Variants in CABP1 observed in about 807,000 individuals in gnomAD.
CABP1 encodes the protein calcium-binding protein 1.
CABP1 carries 17 observed loss-of-function variants against 34.3 expected under a neutral mutation model. The ratio of observed to expected loss-of-function variants is 0.50; its 90% CI spans 0.34 to 0.74. The LOEUF (loss-of-function observed/expected upper bound fraction) is 0.74, where lower values mean the gene tolerates loss of function less well. Ranked by LOEUF, CABP1 falls within the 30% of genes least tolerant of loss-of-function variation. The pLI, the probability that CABP1 is intolerant of heterozygous loss-of-function variation, is 0.01. For synonymous variants in CABP1, 198 were observed against 229.2 expected (o/e 0.86, Z 1.23); for missense variants, 373 against 511.1 (o/e 0.73, Z 2.61).
chr12:120,674,659 C>T, the CABP1 span, among the ~76,000 whole-genome samples: 3 of 152,170 alleles, frequency 2.0e-5, no homozygotes, highest in Non-Finnish European at 2.9e-5. Flanking sequence ...GAGGCCAAGG[C>T]GGGTGGATCA....
chr12:120,656,028 G>A, intron 1 of CABP1: 2 of 1,609,732 alleles, frequency 1.2e-6, no homozygotes, highest in Non-Finnish European at 1.7e-6. Flanking sequence ...CCGGGACCAG[G>A]AGCCAGGCTG....
chr12:120,669,234 G>A (rs927356768), downstream of CABP1, among the ~76,000 whole-genome samples: 5 of 152,234 alleles, frequency 3.3e-5, no homozygotes, highest in African/African-American at 7.2e-5. Flanking sequence ...TAATCCTCAC[G>A]TTCCCGAGGT....
At position 120,660,413 on chromosome 12, in the gene CABP1, G is replaced by T; in HGVS notation, c.829+74G>T. ...CGTCCTCTGCAGTCAGACAGGACTG[G>T]CTTCAAATTCTGCATCCACCTCTTA... is the stretch of plus-strand genomic sequence containing the variant. On this transcript the variant is annotated intron_variant, in intron 3 of 5. Coordinates refer to ENST00000316803, the MANE Select transcript of CABP1 (RefSeq NM_001033677.2). This position sits in a 1 kb window ranked among gnomAD's most constrained non-coding sequence, Gnocchi z 5.0. 6.7e-7 allele frequency: 1 copy of T among 1,497,112 alleles called. No homozygotes were observed. Among genetic ancestry groups the T allele is most frequent in the South Asian group, 1.2e-5 (1 of 81,220 alleles). 92.7% of individuals were successfully genotyped at this position (1,497,112 alleles called of 1,614,324 possible).
intron 5 of CABP1, among the ~76,000 whole-genome samples, chr12:120,665,869 A>G (rs923826999): frequency 3.3e-5 from 5 of 151,652 alleles, no homozygotes; most frequent in Admixed American, 2.0e-4. Flanking sequence ...AAATACAAAA[A>G]ATTAGCTGGA....
chr12:120,649,047 C>T (rs1413633564), intron 1 of CABP1, among the ~76,000 whole-genome samples: 1 of 151,946 alleles, frequency 6.6e-6, no homozygotes, highest in African/African-American at 2.4e-5. Flanking sequence ...TCAATACCCG[C>T]CCCCCAGGCT....
chr12:120,641,329 C>T lies in CABP1; in HGVS notation c.644C>T (p.Ala215Val). ...CGGCTGCGCCCCATGCTCAGCTCCG[C>T]CTTTGGCCAGGTAAGGGCCGCGCCT... The part of the protein sequence containing the change: ...LHRLRPMLSS[A>V]FGQDRSLRPE... The change falls in exon 1 of 6, where the codon GCC (alanine) becomes GTC (valine). Residue 215 changes from alanine (A) to valine (V), a missense_variant. By Grantham distance (64) the Ala-to-Val change is moderately conservative. Coordinates refer to ENST00000316803, the MANE Select transcript of CABP1 (RefSeq NM_001033677.2). The surrounding 1 kb of genome is among the most constrained non-coding windows in gnomAD (Gnocchi z 6.7). 7.6e-7 allele frequency: 1 copy of T among 1,316,214 alleles called. No individual in the cohort carries two copies. The highest frequency in any genetic ancestry group is 9.7e-7 in the Non-Finnish European group (1 of 1,033,976). The allele number at this position is 1,316,214 out of a possible 1,614,324, so 81.5% of individuals were successfully genotyped here.
At chr12:120,673,997 C>T in the CABP1 span, among the ~76,000 whole-genome samples, 1 of 152,238 alleles carries the variant, frequency 6.6e-6, no homozygotes, top group African/African-American at 2.4e-5. Flanking sequence ...GCCTGGGCAA[C>T]ACAGCAAGAC....
downstream of CABP1, among the ~76,000 whole-genome samples, chr12:120,668,490 T>A (rs556838145): frequency 4.2e-4 from 64 of 152,276 alleles, 1 homozygote; most frequent in South Asian, 0.013. Context: ...GCTGCCATCC[T>A]CTCTGCTGAG....
At chr12:120,676,723 G>A in the CABP1 span, among the ~76,000 whole-genome samples, 8 of 152,006 alleles carry the variant, frequency 5.3e-5, no homozygotes, top group Non-Finnish European at 1.2e-4. Flanking sequence ...CACCGCACCC[G>A]GTCAGCTTTA....
At position 120,667,112 on chromosome 12, in the gene CABP1, C is replaced by T; in HGVS notation, c.*212C>T. ...ACTGGAAAGCGGGGGCGCCCGCCGA[C>T]GAGGAGGCCACCGTGCCAAGCCGGC... On this transcript the variant is annotated 3_prime_UTR_variant, in exon 6 of 6. Coordinates refer to ENST00000316803, the MANE Select transcript of CABP1 (RefSeq NM_001033677.2). 1 of 607,214 alleles carries T rather than the reference C, an allele frequency of 1.6e-6. No homozygotes were observed. The highest frequency in any genetic ancestry group is 2.0e-5 in the South Asian group (1 of 50,000). The allele number at this position is 607,214 out of a possible 1,614,324, so 37.6% of individuals were successfully genotyped here.
In CABP1 at chr12:120,661,328, C is replaced by T. The variant is rs1880616193; in HGVS notation, c.1087+110C>T. The T allele has an allele frequency of 1.5e-6, 2 of 1,314,850 alleles. No homozygotes were observed. Among genetic ancestry groups the T allele is most frequent in the Non-Finnish European group, 2.1e-6 (2 of 967,582 alleles). The allele number at this position is 1,314,850 out of a possible 1,614,324, so 81.4% of individuals were successfully genotyped here. ...ATCAATCCGCCCTAATTTTCCAACCCCCAGCCCTTTCATCCTCTTATCCCT... is the reference window on the plus strand; with the variant it reads ...ATCAATCCGCCCTAATTTTCCAACCTCCAGCCCTTTCATCCTCTTATCCCT... On this transcript the variant is annotated intron_variant, in intron 5 of 5. Transcript: ENST00000316803. This position sits in a 1 kb window ranked among gnomAD's most constrained non-coding sequence, Gnocchi z 5.1.
chr12:120,673,029 CAAAAAAGA>C, the CABP1 span, among the ~76,000 whole-genome samples: 3 of 150,286 alleles, frequency 2.0e-5, no homozygotes, highest in Non-Finnish European at 3.0e-5. Flanking sequence ...GATTCCATTG[CAAAAAAGA>C]AAAAAAGAAA....
chr12:120,653,909 A>T (rs1880003561), intron 1 of CABP1, among the ~76,000 whole-genome samples: 2 of 152,200 alleles, frequency 1.3e-5, no homozygotes, highest in Admixed American at 1.3e-4. Flanking sequence ...AGTGCAGAAG[A>T]TTCAGCCAGA....
intron 1 of CABP1, chr12:120,655,425 A>T: frequency 2.0e-6 from 1 of 501,180 alleles, no homozygotes; most frequent in Non-Finnish European, 2.7e-6. Context: ...AGAGTGCACT[A>T]GCCACACACG....
chr12:120,675,207 C>T, the CABP1 span, among the ~76,000 whole-genome samples: 1 of 152,036 alleles, frequency 6.6e-6, no homozygotes, highest in African/African-American at 2.4e-5. Flanking sequence ...TGTGCACCGC[C>T]ACGCCCAGCT....
rs1880534589 is a variant in CABP1 at position 120,660,140 on chromosome 12, A to G, written c.686-56A>G. ...GTGGGCCTTTGGGCTGCCTTTGCCC[A>G]CAGAGGCTCTGCGGGTCCTACCCCT... On this transcript the variant is annotated intron_variant, in intron 2 of 5. Transcript: ENST00000316803. The surrounding 1 kb of genome is among the most constrained non-coding windows in gnomAD (Gnocchi z 5.0). 4 of 1,602,678 alleles carry G rather than the reference A, an allele frequency of 2.5e-6. No homozygotes were observed. The highest frequency in any genetic ancestry group is 1.1e-5 in the South Asian group (1 of 89,744).
chr12:120,654,005 T>C (rs1880009686), intron 1 of CABP1, among the ~76,000 whole-genome samples: 2 of 152,214 alleles, frequency 1.3e-5, no homozygotes, highest in Admixed American at 1.3e-4. Context: ...CATGCTTTGA[T>C]CCACTCTCCC....
chr12:120,652,112 T>C (rs1240114718), intron 1 of CABP1, among the ~76,000 whole-genome samples: 18 of 152,208 alleles, frequency 1.2e-4, no homozygotes, highest in Non-Finnish European at 2.9e-5. Context: ...CATCCATCAA[T>C]TGGGCATACT....
intron 5 of CABP1, 61 bp from the exon 6 acceptor site, chr12:120,666,814 C>T: frequency 6.4e-7 from 1 of 1,557,432 alleles, no homozygotes; most frequent in Admixed American, 1.9e-5. Context: ...GGTCTGAAGG[C>T]AGCAACCTGG....
Sources: gnomAD v4.1 joint callset for allele counts (sites outside exome capture counted in the v4.1 genomes callset) on GRCh38, gnomAD v4.1.1 for gene constraint, Gnocchi (gnomAD v3.1) non-coding constraint, MANE v1.5 for transcripts, NCBI Gene and HGNC (gene_info 2026-07-23, HGNC 2026-07-21) for gene names.